Variants in XAF1 observed in about 807,000 individuals in gnomAD.
XAF1 encodes XIAP-associated factor 1.
A neutral mutation model predicts 32.3 loss-of-function variants in XAF1; 32 were observed. That is an observed-to-expected ratio of 0.99 (90% CI 0.75 to 1.33). XAF1 has a LOEUF of 1.33. Ranked by LOEUF, XAF1 falls within the 40% of genes most tolerant of loss-of-function variation. XAF1 has a pLI of 0.00. For missense variants in XAF1, 379 were observed against 366.0 expected, an observed-to-expected ratio of 1.04 and a Z score of -0.29; for synonymous variants, 120 against 125.9, an observed-to-expected ratio of 0.95 and a Z score of 0.31.
chr17:6,765,765 T>G (rs73356276), intron 5 of XAF1, among the ~76,000 whole-genome samples: 6,431 of 152,250 alleles, frequency 0.042, 416 homozygotes, highest in African/African-American at 0.14. Flanking sequence ...TCCTAAACGG[T>G]CTTCCTACTT....
rs1975886827 is a variant in XAF1 at position 6,769,860 on chromosome 17, C to T, written c.508-783C>T. Among the ~76,000 whole-genome samples the T allele has an allele frequency of 2.0e-5, 3 of 152,222 alleles. No individual in the cohort carries two copies. The South Asian group carries it at 6.2e-4, about 32-fold the overall frequency. On this transcript the variant is annotated intron_variant, in intron 5 of 6. Transcript: ENST00000361842. ...TTGAGTTTTCAGGGGCATAAGTTTT[C>T]ATCTCCACACTCAAATACCGACCCA...
Position 6,773,150 on chromosome 17 carries a change from A to G in XAF1, c.887A>G (p.Gln296Arg), listed in dbSNP as rs148666603. The G allele has an allele frequency of 6.2e-7, 1 of 1,604,666 alleles. No homozygotes were observed. The highest frequency in any genetic ancestry group is 8.5e-7 in the Non-Finnish European group (1 of 1,177,362). Residue 296 changes from glutamine (Q) to arginine (R), a missense_variant, in exon 7 of 7, where the codon CAA becomes CGA. Gln to Arg is a conservative substitution (Grantham distance 43). Coordinates refer to ENST00000361842, the MANE Select transcript of XAF1 (RefSeq NM_017523.5). Reference sequence around the variant, plus strand: ...TGGTTAGCTTCATCAAAAGGAAAACAAGTGAGAAATTTCAGCTAGATTTGG... The same window carrying G: ...TGGTTAGCTTCATCAAAAGGAAAACGAGTGAGAAATTTCAGCTAGATTTGG... ...CRWLASSKGK[Q>R]VRNFS
chr17:6,772,530 G>A (rs1023518028), intron 6 of XAF1, among the ~76,000 whole-genome samples: 1 of 145,546 alleles, frequency 6.9e-6, no homozygotes, highest in Admixed American at 7.0e-5. Context: ...GAATGCAGTG[G>A]TGGGATCTCG....
chr17:6,759,267 T>C lies in XAF1; in HGVS notation c.169-395T>C, dbSNP rs1394025594. On this transcript the variant is annotated intron_variant, in intron 2 of 6. Transcript: ENST00000361842. ...TCCTTTCCCTACAGGCTTATGGATCTGGCATAGGCAAGAGGTTCTGGTTTC... is the reference window on the plus strand; with the variant it reads ...TCCTTTCCCTACAGGCTTATGGATCCGGCATAGGCAAGAGGTTCTGGTTTC... The C allele has an allele frequency of 1.1e-5, 13 of 1,142,974 alleles. No individual in the cohort carries two copies. In the African/African-American group the frequency reaches 1.4e-4, roughly 13 times the overall value. 70.8% of individuals were successfully genotyped at this position (1,142,974 alleles called of 1,614,324 possible). A position where few individuals can be genotyped will look rare whatever the true frequency, so the allele number is the denominator to read the frequency against.
At position 6,762,135 on chromosome 17, in the gene XAF1, T is replaced by G. The variant is rs376909667; in HGVS notation, c.422-20T>G. 1.1e-4 allele frequency: 182 copies of G among 1,612,336 alleles called. No homozygotes were observed. Among genetic ancestry groups the G allele is most frequent in the Admixed American group, 3.0e-4 (18 of 59,898 alleles). On this transcript the variant is annotated intron_variant, in intron 4 of 6. Coordinates refer to ENST00000361842, the MANE Select transcript of XAF1 (RefSeq NM_017523.5). ...TTGACAAGGACAATCATTTGTGGTG[T>G]TGTTTCTCTGCTTATTCAGGGGAAA...
At chr17:6,764,209 A>G (rs1452200900) in intron 5 of XAF1, among the ~76,000 whole-genome samples, 4 of 152,200 alleles carry the variant, frequency 2.6e-5, no homozygotes, top group African/African-American at 9.7e-5. Context: ...TCAGGAAAAG[A>G]AGACATCCAC....
At chr17:6,759,439 AG>A (rs1276998923) in intron 2 of XAF1, 1 of 1,417,756 alleles carries the variant, frequency 7.1e-7, no homozygotes, top group Non-Finnish European at 9.2e-7. Flanking sequence ...GAGATACTCA[AG>A]CTCAGGCAGC....
At chr17:6,770,001 C>G (rs532118542) in intron 5 of XAF1, among the ~76,000 whole-genome samples, 1 of 152,358 alleles carries the variant, frequency 6.6e-6, no homozygotes, top group African/African-American at 2.4e-5. Context: ...TAGAGTCTTA[C>G]TTCCAAATCC....
intron 5 of XAF1, among the ~76,000 whole-genome samples, 174 bp downstream of exon 5, chr17:6,762,414 CA>C (rs370675234): frequency 2.2e-4 from 34 of 152,254 alleles, no homozygotes; most frequent in African/African-American, 7.9e-4. Flanking sequence ...TTAGGCTAAT[CA>C]AGCACACAAA....
At chr17:6,761,582 C>A (rs572651901) in intron 4 of XAF1, 8 of 276,208 alleles carry the variant, frequency 2.9e-5, no homozygotes, top group Non-Finnish European at 5.7e-5. Flanking sequence ...AGACAGTAAC[C>A]TTCTCCTGAT....
In XAF1 at chr17:6,773,234, A is replaced by G. The variant is rs1006353946; in HGVS notation, c.*65A>G. On this transcript the variant is annotated 3_prime_UTR_variant, in exon 7 of 7. Transcript: ENST00000361842. ...ACTTTTAACACTGGCATTCCTGCCT[A>G]CTTGCTGTGGTGGTCTTGTGAAAGG... The G allele has an allele frequency of 3.5e-6, 5 of 1,441,994 alleles. No homozygotes were observed. In the African/African-American group the frequency reaches 4.3e-5, roughly 12 times the overall value. The allele number at this position is 1,441,994 out of a possible 1,614,324, so 89.3% of individuals were successfully genotyped here.
chr17:6,758,295 G>A, intron 2 of XAF1, 71 bp downstream of exon 2: 1 of 1,585,052 alleles, frequency 6.3e-7, no homozygotes. Flanking sequence ...CAGGTGAGAT[G>A]GGGTCTGAGA....
At chr17:6,764,994 G>C (rs1009127177) in intron 5 of XAF1, among the ~76,000 whole-genome samples, 4 of 152,148 alleles carry the variant, frequency 2.6e-5, no homozygotes, top group Non-Finnish European at 5.9e-5. Context: ...AAGGACATTG[G>C]TGGTCTCTCA....
At chr17:6,755,634 G>A, upstream of XAF1, 1 of 1,024,048 alleles carries the variant, frequency 9.8e-7, no homozygotes. Flanking sequence ...TTAGGGAACA[G>A]CATTCAAGCT....
chr17:6,758,298 G>T (rs574342198), intron 2 of XAF1, 74 bp downstream of exon 2: 16 of 1,581,284 alleles, frequency 1.0e-5, no homozygotes, highest in South Asian at 7.9e-5. Flanking sequence ...GTGAGATGGG[G>T]TCTGAGAGTT....
intron 6 of XAF1, among the ~76,000 whole-genome samples, chr17:6,772,495 G>A (rs1976118408): frequency 1.9e-5 from 2 of 106,042 alleles, no homozygotes; most frequent in Admixed American, 1.4e-4. Context: ...TTTTGAGACA[G>A]AGTCTCGCTC....
intron 5 of XAF1, among the ~76,000 whole-genome samples, chr17:6,767,205 G>C (rs1470478327): frequency 6.6e-6 from 1 of 151,956 alleles, no homozygotes; most frequent in Admixed American, 6.6e-5. Context: ...AAAAATAAAA[G>C]AAATAAAATT....
chr17:6,756,216 C>T, intron 1 of XAF1, 106 bp downstream of exon 1: 1 of 1,577,350 alleles, frequency 6.3e-7, no homozygotes, highest in South Asian at 1.1e-5. Flanking sequence ...TGCATAAGAA[C>T]ACTTAGGAGG....
Position 6,774,708 on chromosome 17 carries a change from G to A in XAF1, c.*1539G>A, listed in dbSNP as rs955103398. On this transcript the variant is annotated 3_prime_UTR_variant, in exon 7 of 7. Transcript: ENST00000361842. ...GCACTATACACAATCGCAAAGTCAG[G>A]GAATCAAACTAAATGTCCATCAGTG... 2.6e-5 allele frequency: 4 copies of A among 152,116 alleles called. No individual in the cohort carries two copies. Among genetic ancestry groups the A allele is most frequent in the African/African-American group, 9.7e-5 (4 of 41,422 alleles). 9.4% of individuals were successfully genotyped at this position (152,116 alleles called of 1,614,324 possible).
Sources: allele counts gnomAD v4.1 joint callset (sites outside exome capture counted in the v4.1 genomes callset), GRCh38; gene constraint gnomAD v4.1.1; transcripts MANE v1.5; gene names NCBI Gene and HGNC (gene_info 2026-07-23, HGNC 2026-07-21).